Variants in MAP2 observed in about 807,000 individuals in gnomAD.
MAP2 encodes the protein microtubule-associated protein 2.
A neutral mutation model predicts 137.6 loss-of-function variants in MAP2; 14 were observed. That is an observed-to-expected ratio of 0.10 (90% CI 0.07 to 0.16). The LOEUF (loss-of-function observed/expected upper bound fraction) is 0.16, where lower values mean the gene tolerates loss of function less well. Among genes scored for constraint, MAP2 ranks in the 10% least tolerant of loss-of-function variants. The probability of loss-of-function intolerance (pLI) is 1.00; values close to 1 mark genes in which losing one functional copy is unlikely to be tolerated. For synonymous variants in MAP2, 786 were observed against 782.3 expected, an observed-to-expected ratio of 1.00 and a Z score of -0.08; for missense variants, 2,088 against 2,191.5, an observed-to-expected ratio of 0.95 and a Z score of 0.94.
At chr2:209,698,969 A>G (rs537999890) in intron 10 of MAP2, among the ~76,000 whole-genome samples, 1 of 152,328 alleles carries the variant, frequency 6.6e-6, no homozygotes, top group Non-Finnish European at 1.5e-5. Flanking sequence ...TTGGTATTCA[A>G]TTTGCCACAT....
intron 2 of MAP2, among the ~76,000 whole-genome samples, chr2:209,537,925 C>T (rs1333024965): frequency 6.6e-6 from 1 of 152,110 alleles, no homozygotes; most frequent in Admixed American, 6.5e-5. Flanking sequence ...TGATGTTTGG[C>T]ACCTGTACCA....
At chr2:209,475,158 T>C (rs1575667763) in intron 1 of MAP2, among the ~76,000 whole-genome samples, 3 of 152,104 alleles carry the variant, frequency 2.0e-5, no homozygotes, top group Non-Finnish European at 4.4e-5. Flanking sequence ...GCTCCCGTCA[T>C]GAAGTTTACA....
At chr2:209,425,399 G>C (rs925938734) in intron 1 of MAP2, among the ~76,000 whole-genome samples, 2 of 152,116 alleles carry the variant, frequency 1.3e-5, no homozygotes, top group African/African-American at 4.8e-5. Context: ...GTTACAAAAG[G>C]AAATAGGTAC....
chr2:209,678,192 A>T (rs1426643861), intron 5 of MAP2, among the ~76,000 whole-genome samples: 14 of 152,126 alleles, frequency 9.2e-5, no homozygotes, highest in Non-Finnish European at 1.3e-4. Flanking sequence ...TTACCTTCAC[A>T]TTGGAGGTTA....
At chr2:209,727,217 A>G (rs2074381848) in intron 14 of MAP2, among the ~76,000 whole-genome samples, 1 of 152,236 alleles carries the variant, frequency 6.6e-6, no homozygotes, top group Admixed American at 6.5e-5. Context: ...TTCATGACGC[A>G]GCAGGAAGGT....
chr2:209,618,087 G>A (rs949726526), intron 3 of MAP2, among the ~76,000 whole-genome samples: 8 of 152,012 alleles, frequency 5.3e-5, no homozygotes, highest in African/African-American at 1.9e-4. Context: ...TATAAGAAAC[G>A]AGAACCATAC....
At chr2:209,506,748 A>G (rs978127394) in intron 1 of MAP2, among the ~76,000 whole-genome samples, 5 of 152,186 alleles carry the variant, frequency 3.3e-5, no homozygotes, top group African/African-American at 1.2e-4. Context: ...TACCACTGGA[A>G]TTGTCTTATT....
intron 4 of MAP2, among the ~76,000 whole-genome samples, chr2:209,647,817 T>TA (rs1282965878): frequency 1.3e-5 from 2 of 152,138 alleles, no homozygotes; most frequent in African/African-American, 2.4e-5. Flanking sequence ...GCTGGAATTT[T>TA]AAAAAACCGA....
chr2:209,539,367 A>G (rs1290016003), intron 2 of MAP2, among the ~76,000 whole-genome samples: 1 of 152,210 alleles, frequency 6.6e-6, no homozygotes, highest in Non-Finnish European at 1.5e-5. Flanking sequence ...CTCCTTCACA[A>G]TTTGGCCACT....
chr2:209,695,845 C>A lies in MAP2; in HGVS notation c.3675C>A (p.Ile1225=), dbSNP rs1392337437. The A allele has an allele frequency of 6.8e-6, 11 of 1,614,026 alleles. No homozygotes were observed. In the East Asian group the frequency reaches 2.5e-4, roughly 36 times the overall value. The change falls in exon 8 of 16, where the codon ATC becomes ATA. Residue 1225 remains isoleucine (I), a synonymous_variant. Transcript: ENST00000682079. ...TTGCAGAGCCATTGCATGAAACGAT[C>A]GTATCTGAACCAGCAGAGATTCAGA... ...SDVAEPLHET[I]VSEPAEIQSE...
intron 1 of MAP2, among the ~76,000 whole-genome samples, chr2:209,489,203 C>G (rs1049961916): frequency 6.6e-6 from 1 of 152,188 alleles, no homozygotes; most frequent in African/African-American, 2.4e-5. Flanking sequence ...AGGGACCTGA[C>G]TGTCAGAAGG....
chr2:209,486,207 C>T lies in MAP2; in HGVS notation c.-221-21385C>T, dbSNP rs116752871. Among the ~76,000 whole-genome samples, 297 of 151,324 alleles carry T rather than the reference C, an allele frequency of 2.0e-3. 1 individual carries two copies. The highest frequency in any genetic ancestry group is 3.5e-3 in the Non-Finnish European group (237 of 67,802). On this transcript the variant is annotated intron_variant, in intron 1 of 15. Transcript: ENST00000682079. The stretch of plus-strand genomic sequence containing the variant: ...GTTAAAAGAATGAATAACTAACTTG[C>T]TTGTATATTCTATTTGCTTGGGAAA...
chr2:209,477,642 TC>T (rs762547270), intron 1 of MAP2, among the ~76,000 whole-genome samples: 4 of 152,110 alleles, frequency 2.6e-5, no homozygotes, highest in Non-Finnish European at 5.9e-5. Flanking sequence ...TCTCTCCCCT[TC>T]TCTGCATCCC....
At chr2:209,493,435 A>C (rs2059375172) in intron 1 of MAP2, among the ~76,000 whole-genome samples, 1 of 152,158 alleles carries the variant, frequency 6.6e-6, no homozygotes, top group Admixed American at 6.5e-5. Context: ...CAAATGACAA[A>C]TGTGATCTAA....
At chr2:209,581,094 A>G (rs1486020515) in intron 3 of MAP2, among the ~76,000 whole-genome samples, 2 of 152,112 alleles carry the variant, frequency 1.3e-5, no homozygotes, top group Non-Finnish European at 2.9e-5. Flanking sequence ...CTGAAATATT[A>G]TAAGTATGTG....
At chr2:209,431,618 C>A (rs1694310031) in intron 1 of MAP2, among the ~76,000 whole-genome samples, 1 of 152,082 alleles carries the variant, frequency 6.6e-6, no homozygotes, top group South Asian at 2.1e-4. Flanking sequence ...AGTGACTTTC[C>A]TTATCTAGTT....
chr2:209,664,697 G>A (rs2045425388), intron 5 of MAP2, among the ~76,000 whole-genome samples: 1 of 151,886 alleles, frequency 6.6e-6, no homozygotes, highest in South Asian at 2.1e-4. Context: ...CGTGGCTCAT[G>A]CCTCTATCCC....
intron 14 of MAP2, among the ~76,000 whole-genome samples, chr2:209,729,374 C>A (rs2239553): frequency 0.1 from 15,672 of 152,180 alleles, 951 homozygotes; most frequent in East Asian, 0.23. Context: ...GAATATATTG[C>A]CCACATGTGC....
intron 4 of MAP2, among the ~76,000 whole-genome samples, chr2:209,630,862 A>T (rs1376138149): frequency 6.6e-6 from 1 of 151,452 alleles, no homozygotes; most frequent in Non-Finnish European, 1.5e-5. Context: ...ACTCATGAAA[A>T]CCCTATTACT....
Sources: gnomAD v4.1 joint callset for allele counts (sites outside exome capture counted in the v4.1 genomes callset) on GRCh38, gnomAD v4.1.1 for gene constraint, MANE v1.5 for transcripts, NCBI Gene and HGNC (gene_info 2026-07-23, HGNC 2026-07-21) for gene names.